Variants in ZDBF2 observed in about 807,000 individuals in gnomAD.
ZDBF2 encodes zinc finger DBF-type containing 2, also known as DBF4-type zinc finger-containing protein 2.
A neutral mutation model predicts 9.4 loss-of-function variants in ZDBF2; 6 were observed. That is an observed-to-expected ratio of 0.64 (90% confidence interval 0.35 to 1.27). ZDBF2 has a LOEUF of 1.27. Ranked by LOEUF, ZDBF2 falls within the 50% of genes most tolerant of loss-of-function variation. The pLI is 0.03. For missense variants in ZDBF2, 2,697 were observed against 2,766.8 expected (o/e 0.97, Z 0.57); for synonymous variants, 905 against 946.3 (o/e 0.96, Z 0.80).
intron 1 of ZDBF2, among the ~76,000 whole-genome samples, chr2:206,278,139 A>T (rs1339493256): frequency 6.6e-6 from 1 of 152,154 alleles, no homozygotes; most frequent in Non-Finnish European, 1.5e-5. Flanking sequence ...AATACGATAC[A>T]TGTTAATGGT....
chr2:206,277,330 A>C (rs941493372), intron 1 of ZDBF2, among the ~76,000 whole-genome samples: 99 of 151,900 alleles, frequency 6.5e-4, no homozygotes, highest in African/African-American at 2.3e-3. Context: ...AAAAACCAAA[A>C]ACAAAATGCT....
intron 4 of ZDBF2, among the ~76,000 whole-genome samples, 175 bp from the exon 5 acceptor site, chr2:206,304,542 T>C (rs1559147931): frequency 6.6e-6 from 1 of 152,228 alleles, no homozygotes; most frequent in Non-Finnish European, 1.5e-5. Flanking sequence ...CTCCACCTTC[T>C]GCAGTAATTC....
intron 1 of ZDBF2, among the ~76,000 whole-genome samples, chr2:206,278,398 C>T (rs1207824111): frequency 2.0e-5 from 3 of 152,130 alleles, no homozygotes; most frequent in South Asian, 2.1e-4. Context: ...ATATCCCTTA[C>T]GCTTTGAAAA....
Position 206,309,703 on chromosome 2 carries a change from TAAAA to T in ZDBF2, c.5181_5184del (p.Lys1727AsnfsTer5). 1 of 1,611,600 alleles carries T rather than the reference TAAAA, an allele frequency of 6.2e-7. No homozygotes were observed. The highest frequency in any genetic ancestry group is 8.5e-7 in the Non-Finnish European group (1 of 1,178,840). ...AGTCAGCGCTCCATCGAAGGGCTGA[TAAAA>T]AAAAACGTTCGAAGCTAAAACATAG... is the stretch of plus-strand genomic sequence containing the variant. On this transcript the variant is annotated frameshift_variant, in exon 5 of 5. Coordinates refer to ENST00000374423, the MANE Select transcript of ZDBF2 (RefSeq NM_020923.3). LOFTEE classifies it low-confidence loss of function (END_TRUNC).
rs569054583 is a variant in ZDBF2, at chr2:206,312,116, T to A, written c.*523T>A. ...GTTTTTAAAAACTGGTGATTTTTTTTATGCATAGCACAAACTCCTCCTGCT... is the reference window on the plus strand; with the variant it reads ...GTTTTTAAAAACTGGTGATTTTTTTAATGCATAGCACAAACTCCTCCTGCT... On this transcript the variant is annotated 3_prime_UTR_variant, in exon 5 of 5. Transcript: ENST00000374423. The A allele has an allele frequency of 1.3e-5, 2 of 152,314 alleles. No homozygotes were observed. Among genetic ancestry groups the A allele is most frequent in the East Asian group, 1.9e-4 (1 of 5,190 alleles). The allele number at this position is 152,314 out of a possible 1,614,324, so 9.4% of individuals were successfully genotyped here.
chr2:206,307,738 C>T lies in ZDBF2; in HGVS notation c.3210C>T (p.Asp1070=). 1.2e-6 allele frequency: 2 copies of T among 1,613,130 alleles called. No individual in the cohort carries two copies. Among genetic ancestry groups the T allele is most frequent in the Non-Finnish European group, 1.7e-6 (2 of 1,179,638 alleles). ...AGGAAAAACATGTTAATCTGAAGGACAAAAACAGTAAATCAGGTGATTCTA... is the reference window on the plus strand; with the variant it reads ...AGGAAAAACATGTTAATCTGAAGGATAAAAACAGTAAATCAGGTGATTCTA... ...FLKEKHVNLK[D]KNSKSGDSKI... is the part of the protein sequence containing the mutation. Residue 1070 remains aspartate, a synonymous_variant, in exon 5 of 5, where the codon GAC becomes GAT. Coordinates refer to ENST00000374423, the MANE Select transcript of ZDBF2 (RefSeq NM_020923.3).
In ZDBF2 at chr2:206,308,599, G is replaced by A; in HGVS notation, c.4071G>A (p.Lys1357=). Residue 1357 remains lysine, a synonymous_variant, in exon 5 of 5, where the codon AAG becomes AAA. Transcript: ENST00000374423. ...AGGAGCATGCCAGTCTGGAAGATAA[G>A]AGCAGTAATTCTTATAGTCCTGAAG... The part of the protein sequence containing the change: ...LEEEHASLED[K]SSNSYSPEES... 6.2e-7 allele frequency: 1 copy of A among 1,613,342 alleles called. No individual in the cohort carries two copies. The highest frequency in any genetic ancestry group is 8.5e-7 in the Non-Finnish European group (1 of 1,179,820).
rs1347116081 is a variant in ZDBF2, at chr2:206,313,649, C to T, written c.*2056C>T. Reference sequence around the variant, plus strand: ...ATCAAATGAAAATGTGTACTATGTACCTATGATGTGTCATATCGTGATTAC... The same window carrying T: ...ATCAAATGAAAATGTGTACTATGTATCTATGATGTGTCATATCGTGATTAC... On this transcript the variant is annotated 3_prime_UTR_variant, in exon 5 of 5. Transcript: ENST00000374423. 6.6e-6 allele frequency: 1 copy of T among 152,108 alleles called. No homozygotes were observed. Among genetic ancestry groups the T allele is most frequent in the African/African-American group, 2.4e-5 (1 of 41,422 alleles). The allele number at this position is 152,108 out of a possible 1,614,324, so 9.4% of individuals were successfully genotyped here.
intron 4 of ZDBF2, among the ~76,000 whole-genome samples, chr2:206,299,834 G>T (rs974288505): frequency 6.6e-6 from 1 of 151,466 alleles, no homozygotes; most frequent in Non-Finnish European, 1.5e-5. Flanking sequence ...CAAGCTGGAC[G>T]CAGTGGCTCA....
In ZDBF2 at chr2:206,288,718, G is replaced by A. The variant is rs1213663175; in HGVS notation, c.60+6809G>A. Among the ~76,000 whole-genome samples the A allele has an allele frequency of 2.6e-5, 4 of 152,098 alleles. No homozygotes were observed. The East Asian group carries it at 7.7e-4, about 29-fold the overall frequency. On this transcript the variant is annotated intron_variant, in intron 3 of 4. Coordinates refer to ENST00000374423, the MANE Select transcript of ZDBF2 (RefSeq NM_020923.3). ...CTTTTAGGCACCCCCTAGTAGCTGG[G>A]GCCCAGGGCATCAGGTCGTAGCTGA...
intron 3 of ZDBF2, among the ~76,000 whole-genome samples, 191 bp downstream of exon 3, chr2:206,282,100 A>T (rs577418921): frequency 6.6e-6 from 1 of 152,238 alleles, no homozygotes; most frequent in Non-Finnish European, 1.5e-5. Context: ...TGAAGCTTAT[A>T]TTCTAGTATA....
At chr2:206,282,375 A>G (rs1036348458) in intron 3 of ZDBF2, among the ~76,000 whole-genome samples, 6 of 152,142 alleles carry the variant, frequency 3.9e-5, no homozygotes, top group African/African-American at 1.2e-4. Context: ...CGGTGGCTGC[A>G]TGGATGTGGG....
chr2:206,303,511 A>G (rs938738453), intron 4 of ZDBF2, among the ~76,000 whole-genome samples: 1 of 152,326 alleles, frequency 6.6e-6, no homozygotes, highest in African/African-American at 2.4e-5. Context: ...ACAGTCCCTG[A>G]AATGCTTTGG....
Position 206,313,187 on chromosome 2 carries a change from A to C in ZDBF2, c.*1594A>C, listed in dbSNP as rs1693272322. The C allele has an allele frequency of 6.6e-6, 1 of 152,220 alleles. No homozygotes were observed. The highest frequency in any genetic ancestry group is 1.5e-5 in the Non-Finnish European group (1 of 68,028). The allele number at this position is 152,220 out of a possible 1,614,324, so 9.4% of individuals were successfully genotyped here. On this transcript the variant is annotated 3_prime_UTR_variant, in exon 5 of 5. Transcript: ENST00000374423. ...ATTTAAAATGTGTTACCTTAGAAAT[A>C]ATGAAATATAGTGTAACAGTTGGTT...
At position 206,297,305 on chromosome 2, in the gene ZDBF2, C is replaced by G. The variant is rs759202190; in HGVS notation, c.120C>G (p.Thr40=). Residue 40 remains threonine (T), a synonymous_variant, in exon 4 of 5, where the codon ACC becomes ACG. Coordinates refer to ENST00000374423, the MANE Select transcript of ZDBF2 (RefSeq NM_020923.3). ...GACAGAGTAGACGTCAAATATGTAC[C>G]AGTAGTTTGATGGAACGTTTCTTAC... is the stretch of plus-strand genomic sequence containing the variant. ...LTRQSRRQIC[T]SSLMERFLQD... is the part of the protein sequence containing the mutation. 3.1e-6 allele frequency: 5 copies of G among 1,610,566 alleles called. No homozygotes were observed. Among genetic ancestry groups the G allele is most frequent in the South Asian group, 2.2e-5 (2 of 91,032 alleles).
chr2:206,293,606 A>C (rs1266713038), intron 3 of ZDBF2, among the ~76,000 whole-genome samples: 1 of 152,200 alleles, frequency 6.6e-6, no homozygotes, highest in Non-Finnish European at 1.5e-5. Flanking sequence ...ATCCATTTGA[A>C]AAACAGAGAG....
At chr2:206,289,056 A>G (rs888014627) in intron 3 of ZDBF2, among the ~76,000 whole-genome samples, 1 of 152,154 alleles carries the variant, frequency 6.6e-6, no homozygotes, top group Non-Finnish European at 1.5e-5. Flanking sequence ...CTAGGAAAGC[A>G]GAGTACTAGA....
In ZDBF2 at chr2:206,310,818, C is replaced by A. The variant is rs1016259008; in HGVS notation, c.6290C>A (p.Ala2097Asp). The change falls in exon 5 of 5, where the codon GCT becomes GAT. Residue 2097 changes from alanine to aspartate, a missense_variant. Physicochemically the swap from Ala to Asp is moderately radical, Grantham distance 126. Coordinates refer to ENST00000374423, the MANE Select transcript of ZDBF2 (RefSeq NM_020923.3). The stretch of plus-strand genomic sequence containing the variant: ...AACTCCAGTGCAGGAGATAATGATG[C>A]TGATGGACAAGGCTCTGCTTCAGCG... ...NQNSSAGDND[A>D]DGQGSASAPL... is the part of the protein sequence containing the mutation. 6.2e-7 allele frequency: 1 copy of A among 1,613,954 alleles called. No homozygotes were observed. The highest frequency in any genetic ancestry group is 2.2e-5 in the East Asian group (1 of 44,886).
Position 206,305,372 on chromosome 2 carries a change from T to C in ZDBF2, c.844T>C (p.Leu282=). 6.2e-7 allele frequency: 1 copy of C among 1,613,014 alleles called. No individual in the cohort carries two copies. The highest frequency in any genetic ancestry group is 1.7e-5 in the Admixed American group (1 of 59,782). The change falls in exon 5 of 5, where the codon TTA becomes CTA. Residue 282 remains leucine (L), a synonymous_variant. Transcript: ENST00000374423. ...WKDVKSQGKT[L]SAGLKFHERM... ...AGATGTAAAATCTCAGGGTAAAACT[T>C]TATCAGCTGGCTTGAAATTCCATGA...
Sources: gnomAD v4.1 joint callset for allele counts (sites outside exome capture counted in the v4.1 genomes callset) on GRCh38, gnomAD v4.1.1 for gene constraint, MANE v1.5 for transcripts, NCBI Gene and HGNC (gene_info 2026-07-23, HGNC 2026-07-21) for gene names.